Variants in ESCO2 observed in about 807,000 individuals in gnomAD.
ESCO2 encodes the protein establishment of sister chromatid cohesion N-acetyltransferase 2.
A neutral mutation model predicts 61.7 loss-of-function variants in ESCO2; 51 were observed. The ratio of observed to expected loss-of-function variants is 0.83; its 90% CI spans 0.66 to 1.04. ESCO2 has a LOEUF of 1.04. Ranked by LOEUF, ESCO2 falls within the 50% of genes least tolerant of loss-of-function variation. The pLI, the probability that ESCO2 is intolerant of heterozygous loss-of-function variation, is 0.00. For missense variants in ESCO2, 692 were observed against 686.2 expected, an observed-to-expected ratio of 1.01 and a Z score of -0.09; for synonymous variants, 230 against 238.2, an observed-to-expected ratio of 0.97 and a Z score of 0.32.
chr8:27,813,717 ATGAG>A (rs1805750944), downstream of ESCO2, among the ~76,000 whole-genome samples: 2 of 152,186 alleles, frequency 1.3e-5, no homozygotes, highest in African/African-American at 4.8e-5. Context: ...ATTATGCAGG[ATGAG>A]TAAGTTCTGG....
In ESCO2 at chr8:27,777,043, T is replaced by C; in HGVS notation, c.735T>C (p.Asp245=). ...AATCAGAAGTCATTGAAGATTCTGA[T>C]GTAGAGACTGTCAGTGAAAAAAAAA... ...KSKSEVIEDS[D]VETVSEKKTF... The change falls in exon 3 of 11, where the codon GAT becomes GAC. Residue 245 remains aspartate (D), a synonymous_variant. Transcript: ENST00000305188. The C allele has an allele frequency of 6.2e-7, 1 of 1,610,344 alleles. No homozygotes were observed. Among genetic ancestry groups the C allele is most frequent in the Non-Finnish European group, 8.5e-7 (1 of 1,179,244 alleles).
downstream of ESCO2, among the ~76,000 whole-genome samples, chr8:27,815,338 G>C (rs1805789103): frequency 2.0e-5 from 3 of 152,182 alleles, no homozygotes; most frequent in South Asian, 6.2e-4. Context: ...AAAAATACCA[G>C]ACTAGGAGGG....
chr8:27,800,277 A>G (rs1805395359), intron 10 of ESCO2, among the ~76,000 whole-genome samples: 1 of 152,224 alleles, frequency 6.6e-6, no homozygotes, highest in South Asian at 2.1e-4. Context: ...AATAATTCTT[A>G]TAACACAATA....
At chr8:27,808,420 G>A (rs143298615), downstream of ESCO2, 12 of 182,832 alleles carry the variant, frequency 6.6e-5, no homozygotes, top group East Asian at 1.9e-3. Context: ...GGTGGCTCAC[G>A]CCTATAATCC....
In ESCO2 at chr8:27,804,503, G is replaced by A. The variant is rs1805520280; in HGVS notation, c.*1065G>A. Reference sequence around the variant, plus strand: ...ATAGGCTGGTGGATGAGAGACCATGGAACTGTGTAAATACACTTAAATGTT... The same window carrying A: ...ATAGGCTGGTGGATGAGAGACCATGAAACTGTGTAAATACACTTAAATGTT... On this transcript the variant is annotated 3_prime_UTR_variant, in exon 11 of 11. Coordinates refer to ENST00000305188, the MANE Select transcript of ESCO2 (RefSeq NM_001017420.3). 2.0e-6 allele frequency: 2 copies of A among 985,380 alleles called. No individual in the cohort carries two copies. Among genetic ancestry groups the A allele is most frequent in the South Asian group, 9.4e-5 (2 of 21,284 alleles). The allele number at this position is 985,380 out of a possible 1,614,324, so 61.0% of individuals were successfully genotyped here.
chr8:27,792,127 C>T (rs1203758961), intron 8 of ESCO2, 75 bp downstream of exon 8: 7 of 1,369,406 alleles, frequency 5.1e-6, no homozygotes, highest in Non-Finnish European at 7.3e-6. Context: ...GTGCAAACTG[C>T]CTTTGCTGAC....
chr8:27,818,818 C>T, the ESCO2 span, among the ~76,000 whole-genome samples: 3 of 152,124 alleles, frequency 2.0e-5, no homozygotes, highest in Admixed American at 6.5e-5. Flanking sequence ...GTCCTCTCCA[C>T]AGCCAACATT....
rs147519828 is a variant in ESCO2, at chr8:27,776,731, G to C, written c.423G>C (p.Gln141His). The change falls in exon 3 of 11, where the codon CAG (glutamine) becomes CAC (histidine). Residue 141 changes from glutamine (Q) to histidine (H), a missense_variant. By Grantham distance (24) the Gln-to-His change is conservative (BLOSUM62 0). Coordinates refer to ENST00000305188, the MANE Select transcript of ESCO2 (RefSeq NM_001017420.3). Reference sequence around the variant, plus strand: ...CCAAGAAGAACAACAAAAAACCACAGAAGAGTTTAACTGCTAAGTATCAAC... The same window carrying C: ...CCAAGAAGAACAACAAAAAACCACACAAGAGTTTAACTGCTAAGTATCAAC... Reference protein sequence around the residue: ...VCSKKNNKKPQKSLTAKYQPK... With the variant: ...VCSKKNNKKPHKSLTAKYQPK... 8.3e-5 allele frequency: 134 copies of C among 1,613,828 alleles called. 1 individual carries two copies. In the South Asian group the frequency reaches 1.3e-3, roughly 15 times the overall value.
downstream of ESCO2, among the ~76,000 whole-genome samples, chr8:27,805,777 AT>A (rs970591678): frequency 3.3e-5 from 5 of 151,988 alleles, no homozygotes; most frequent in Non-Finnish European, 7.4e-5. Context: ...CGTCTGCTTA[AT>A]TTTTGTATTC....
chr8:27,817,018 T>C (rs1242469708), downstream of ESCO2, among the ~76,000 whole-genome samples: 2 of 152,110 alleles, frequency 1.3e-5, no homozygotes, highest in African/African-American at 2.4e-5. Context: ...TTTGAAGTGA[T>C]CAGAGGCAAA....
chr8:27,791,318 AT>A (rs369905823), intron 7 of ESCO2, among the ~76,000 whole-genome samples: 5,037 of 152,178 alleles, frequency 0.033, 136 homozygotes, highest in Non-Finnish European at 0.052. Context: ...GTTATACCAG[AT>A]TTTTTTGCCA....
At position 27,783,701 on chromosome 8, in the gene ESCO2, A is replaced by G. The variant is rs1018040015; in HGVS notation, c.956-299A>G. Among the ~76,000 whole-genome samples the G allele has an allele frequency of 5.3e-5, 8 of 152,110 alleles. No homozygotes were observed. In the East Asian group the frequency reaches 1.5e-3, roughly 29 times the overall value. ...GCGATCCTCCCACTTTTGGTCTCCT[A>G]AAGTGTTGGGATTACAAGCATGAGC... On this transcript the variant is annotated intron_variant, in intron 4 of 10. Transcript: ENST00000305188.
At chr8:27,791,671 C>G (rs182340487) in intron 7 of ESCO2, among the ~76,000 whole-genome samples, 20 of 152,088 alleles carry the variant, frequency 1.3e-4, no homozygotes, top group Middle Eastern at 3.2e-3. Context: ...TCCACCCACC[C>G]GGGCCTCCCA....
rs761018373 is a variant in ESCO2 at position 27,788,019 on chromosome 8, C to T, written c.1131+17C>T. The stretch of plus-strand genomic sequence containing the variant: ...CTCATCATCGTGAGTAAATTCCAAA[C>T]AAAGCTTCTCCTATCTAGCCCTTTG... On this transcript the variant is annotated intron_variant, in intron 6 of 10. Coordinates refer to ENST00000305188, the MANE Select transcript of ESCO2 (RefSeq NM_001017420.3). 2.1e-5 allele frequency: 33 copies of T among 1,569,124 alleles called. No individual in the cohort carries two copies. The highest frequency in any genetic ancestry group is 2.8e-5 in the Non-Finnish European group (32 of 1,139,604).
intron 10 of ESCO2, among the ~76,000 whole-genome samples, chr8:27,801,285 T>C (rs955554901): frequency 6.6e-6 from 1 of 152,206 alleles, no homozygotes; most frequent in Non-Finnish European, 1.5e-5. Context: ...TTTCATCGTG[T>C]AGATAATAGG....
chr8:27,789,760 GAC>G (rs1220892998), intron 7 of ESCO2, among the ~76,000 whole-genome samples: 1 of 134,500 alleles, frequency 7.4e-6, no homozygotes, highest in Non-Finnish European at 1.5e-5. Flanking sequence ...TAGCCTGGGT[GAC>G]AAGAGCAAAA....
In ESCO2 at chr8:27,780,282, G is replaced by T. The variant is rs369338792; in HGVS notation, c.955+15G>T. 6.7e-7 allele frequency: 1 copy of T among 1,492,962 alleles called. No homozygotes were observed. Among genetic ancestry groups the T allele is most frequent in the Admixed American group, 1.7e-5 (1 of 59,734 alleles). 92.5% of individuals were successfully genotyped at this position (1,492,962 alleles called of 1,614,324 possible). ...GAATAAGACAAGTAAGAGAAAACTC[G>T]CATGAATTTAGCTGCTTAAAATAAT... On this transcript the variant is annotated intron_variant, in intron 4 of 10. Coordinates refer to ENST00000305188, the MANE Select transcript of ESCO2 (RefSeq NM_001017420.3).
Position 27,803,570 on chromosome 8 carries a change from A to ACG in ESCO2, c.*133_*134insGC, listed in dbSNP as rs1190832679. The ACG allele has an allele frequency of 3.5e-5, 42 of 1,209,270 alleles. No homozygotes were observed. The highest frequency in any genetic ancestry group is 1.6e-4 in the Admixed American group (4 of 25,754). 74.9% of individuals were successfully genotyped at this position (1,209,270 alleles called of 1,614,324 possible). A position where few individuals can be genotyped will look rare whatever the true frequency, so the allele number is the denominator to read the frequency against. ...CTCATACACACACACACACACACGC[A>ACG]CACACACATATCACAGTTTTGTTCC... On this transcript the variant is annotated 3_prime_UTR_variant, in exon 11 of 11. Transcript: ENST00000305188.
intron 2 of ESCO2, among the ~76,000 whole-genome samples, chr8:27,775,878 C>T (rs1487848439): frequency 1.3e-5 from 2 of 152,018 alleles, no homozygotes; most frequent in East Asian, 3.8e-4. Flanking sequence ...TTACCTTTTT[C>T]CTTTCTGTTC....
Sources: allele counts gnomAD v4.1 joint callset (sites outside exome capture counted in the v4.1 genomes callset), GRCh38; gene constraint gnomAD v4.1.1; transcripts MANE v1.5; gene names NCBI Gene and HGNC (gene_info 2026-07-23, HGNC 2026-07-21).